The following PALM2AKAP2 variants were observed in gnomAD, a reference collection of about 807,000 sequenced individuals.
The protein encoded by PALM2AKAP2 is PALM2 and AKAP2 fusion.
Under a neutral mutation model 71.5 loss-of-function variants are expected in PALM2AKAP2, and 37 were observed. The ratio of observed to expected loss-of-function variants is 0.52; its 90% confidence interval spans 0.40 to 0.68. PALM2AKAP2 has a LOEUF of 0.68. Ranked by LOEUF, PALM2AKAP2 falls within the 30% of genes least tolerant of loss-of-function variation. The probability of loss-of-function intolerance (pLI) is 0.00; values close to 1 mark genes in which losing one functional copy is unlikely to be tolerated. For missense variants in PALM2AKAP2, 1,224 were observed against 1,191.8 expected, an observed-to-expected ratio of 1.03 and a Z score of -0.40; for synonymous variants, 468 against 478.8, an observed-to-expected ratio of 0.98 and a Z score of 0.29.
At chr9:109,931,873 C>A in intron 5 of PALM2AKAP2, 54 bp from the exon 6 acceptor site, 1 of 1,588,208 alleles carries the variant, frequency 6.3e-7, no homozygotes. Context: ...GGCAGTGAAC[C>A]CATTGGGCCT....
chr9:109,749,598 G>A (rs1828855902), intron 1 of PALM2AKAP2, among the ~76,000 whole-genome samples: 1 of 150,490 alleles, frequency 6.6e-6, no homozygotes, highest in Admixed American at 6.6e-5. Context: ...ATTGAGAGTT[G>A]TAAGCACCTA....
At chr9:109,840,248 A>T (rs1333524947) in intron 1 of PALM2AKAP2, among the ~76,000 whole-genome samples, 1 of 152,234 alleles carries the variant, frequency 6.6e-6, no homozygotes, top group African/African-American at 2.4e-5. Flanking sequence ...CAAACCTGAC[A>T]AAAACAAGAA....
At chr9:109,805,079 A>G (rs1369524904) in intron 1 of PALM2AKAP2, among the ~76,000 whole-genome samples, 1 of 152,234 alleles carries the variant, frequency 6.6e-6, no homozygotes, top group South Asian at 2.1e-4. Context: ...TTTTAGGAGT[A>G]CATTTGGCTG....
intron 2 of PALM2AKAP2, among the ~76,000 whole-genome samples, chr9:110,146,552 G>C (rs1389815459): frequency 3.9e-5 from 6 of 152,190 alleles, no homozygotes; most frequent in Admixed American, 1.3e-4. Context: ...GAGAGGAGGT[G>C]AATCAAAGAA....
Position 109,871,118 on chromosome 9 carries a change from G to T in PALM2AKAP2, c.126+3547G>T, listed in dbSNP as rs117336006. Among the ~76,000 whole-genome samples, 543 of 152,206 alleles carry T rather than the reference G, an allele frequency of 3.6e-3. 5 individuals carry two copies. The highest frequency in any genetic ancestry group is 6.5e-3 in the Non-Finnish European group (440 of 68,006). The stretch of plus-strand genomic sequence containing the variant: ...ATTTAGACAGATTCACCTGTCTGTG[G>T]TCAAAGCAAATAAATAGAATGCAAG... On this transcript the variant is annotated intron_variant, in intron 2 of 9. Transcript: ENST00000302798.
intron 2 of PALM2AKAP2, among the ~76,000 whole-genome samples, chr9:110,149,136 T>C (rs1836249960): frequency 6.6e-6 from 1 of 152,196 alleles, no homozygotes; most frequent in Admixed American, 6.5e-5. Flanking sequence ...CACAGAGTGG[T>C]ATAACTATTT....
intron 3 of PALM2AKAP2, among the ~76,000 whole-genome samples, chr9:109,893,737 G>A (rs1241999957): frequency 6.6e-6 from 1 of 152,064 alleles, no homozygotes; most frequent in East Asian, 1.9e-4. Context: ...CATGAGGACT[G>A]TACCCAACCA....
At chr9:109,866,190 A>G (rs1259624508) in intron 1 of PALM2AKAP2, among the ~76,000 whole-genome samples, 1 of 152,138 alleles carries the variant, frequency 6.6e-6, no homozygotes, top group Non-Finnish European at 1.5e-5. Flanking sequence ...TTGAATAGCA[A>G]TGGTACAATC....
chr9:109,829,495 T>C (rs1025818253), intron 1 of PALM2AKAP2, among the ~76,000 whole-genome samples: 3 of 152,168 alleles, frequency 2.0e-5, no homozygotes, highest in African/African-American at 7.2e-5. Flanking sequence ...CAGGGTGTCT[T>C]AGGACTATCC....
chr9:110,136,328 TCAC>T (rs1835864638), exon 2 of PALM2AKAP2: 16 of 1,614,174 alleles, frequency 9.9e-6, no homozygotes, highest in Non-Finnish European at 1.4e-5. Flanking sequence ...CGCTTTCTAT[TCAC>T]CCCCGCATAA....
In PALM2AKAP2 at chr9:109,958,476, A is replaced by G. The variant is rs867547416; in HGVS notation, c.496+26448A>G. On this transcript the variant is annotated intron_variant, in intron 6 of 9. Coordinates refer to the PALM2AKAP2 transcript ENST00000302798. ...AAGTCATTTTTCCTCTCTTGGTCCC[A>G]ACTTGCTCATCTATAAAATGAGACA... Among the ~76,000 whole-genome samples the G allele has an allele frequency of 1.6e-4, 24 of 152,282 alleles. 1 individual carries two copies. Among genetic ancestry groups the G allele is most frequent in the South Asian group, 1.2e-3 (6 of 4,830 alleles).
intron 1 of PALM2AKAP2, among the ~76,000 whole-genome samples, chr9:110,106,569 G>A (rs1835126174): frequency 6.6e-6 from 1 of 152,120 alleles, no homozygotes; most frequent in African/African-American, 2.4e-5. Flanking sequence ...GAAGAGGGTG[G>A]TGATGGGTGC....
intron 2 of PALM2AKAP2, among the ~76,000 whole-genome samples, chr9:109,871,287 A>G (rs1254981749): frequency 2.0e-5 from 3 of 152,212 alleles, no homozygotes; most frequent in Non-Finnish European, 4.4e-5. Flanking sequence ...GTAAAAGACT[A>G]AAGTATAAAA....
chr9:109,836,581 G>A (rs912930343), intron 1 of PALM2AKAP2, among the ~76,000 whole-genome samples: 10 of 152,298 alleles, frequency 6.6e-5, no homozygotes, highest in East Asian at 1.9e-4. Context: ...AAACTTCTCC[G>A]AGCTAAAGGA....
chr9:109,909,185 G>T (rs957570446), intron 3 of PALM2AKAP2, among the ~76,000 whole-genome samples: 1 of 151,784 alleles, frequency 6.6e-6, no homozygotes, highest in Non-Finnish European at 1.5e-5. Flanking sequence ...CACACACCTG[G>T]GGTTAGATGA....
chr9:110,037,068 T>C (rs1833423717), intron 7 of PALM2AKAP2, among the ~76,000 whole-genome samples: 1 of 152,212 alleles, frequency 6.6e-6, no homozygotes, highest in Admixed American at 6.5e-5. Flanking sequence ...AATTGGCCTT[T>C]TATTTTCTTT....
At chr9:109,667,145 A>C (rs1042899861) in intron 1 of PALM2AKAP2, among the ~76,000 whole-genome samples, 1 of 152,186 alleles carries the variant, frequency 6.6e-6, no homozygotes, top group Non-Finnish European at 1.5e-5. Context: ...TTGAAGATTC[A>C]TAGGCCCTCC....
At chr9:109,836,320 T>A (rs896566669) in intron 1 of PALM2AKAP2, among the ~76,000 whole-genome samples, 3 of 152,248 alleles carry the variant, frequency 2.0e-5, no homozygotes, top group African/African-American at 7.2e-5. Context: ...CTGAGGGTCC[T>A]GACTGTTAAA....
chr9:109,685,892 G>T (rs570559268), intron 1 of PALM2AKAP2, among the ~76,000 whole-genome samples: 29 of 151,640 alleles, frequency 1.9e-4, no homozygotes, highest in Admixed American at 4.6e-4. Context: ...TTTCAAAATT[G>T]GTGTCCATCT....
Sources: gnomAD v4.1 joint callset for allele counts (sites outside exome capture counted in the v4.1 genomes callset) on GRCh38, gnomAD v4.1.1 for gene constraint, MANE v1.5 for transcripts, NCBI Gene and HGNC (gene_info 2026-07-23, HGNC 2026-07-21) for gene names.